The following GALNT18 variants were observed in gnomAD, a reference collection of about 807,000 sequenced individuals.
GALNT18 encodes GalNAc-transferase 18.
GALNT18 carries 44 observed loss-of-function variants against 69.5 expected under a neutral mutation model. That is an observed-to-expected ratio of 0.63 (90% CI 0.50 to 0.81). The LOEUF is 0.81. GALNT18 is among the 40% of genes least tolerant of loss of function. The pLI is 0.00. For synonymous variants in GALNT18, 364 were observed against 318.2 expected (o/e 1.14, Z -1.53); for missense variants, 715 against 810.0 (o/e 0.88, Z 1.42).
intron 1 of GALNT18, among the ~76,000 whole-genome samples, chr11:11,486,779 C>T (rs529216368): frequency 6.6e-6 from 1 of 152,320 alleles, no homozygotes; most frequent in South Asian, 2.1e-4. Flanking sequence ...AAAGACCAGT[C>T]CCGGGATGGC....
intron 9 of GALNT18, among the ~76,000 whole-genome samples, chr11:11,306,470 C>T (rs1849581086): frequency 2.0e-5 from 3 of 152,218 alleles, no homozygotes; most frequent in South Asian, 2.1e-4. Flanking sequence ...CTCTATTTCA[C>T]TTGCTCCAAC....
intron 1 of GALNT18, among the ~76,000 whole-genome samples, chr11:11,489,044 G>A (rs536772921): frequency 6.6e-6 from 1 of 152,370 alleles, no homozygotes; most frequent in East Asian, 1.9e-4. Flanking sequence ...CTGCTGTGGA[G>A]TATGATCCAG....
intron 1 of GALNT18, among the ~76,000 whole-genome samples, chr11:11,531,083 C>G (rs1239919507): frequency 6.6e-6 from 1 of 152,184 alleles, no homozygotes; most frequent in Admixed American, 6.5e-5. Context: ...CTTCACTGTA[C>G]CTCTCCCTCC....
chr11:11,282,178 CTT>C (rs1272679076), intron 10 of GALNT18, among the ~76,000 whole-genome samples: 1 of 150,362 alleles, frequency 6.7e-6, no homozygotes, highest in Non-Finnish European at 1.5e-5. Flanking sequence ...TGAACAGACT[CTT>C]TCTTCTTCTC....
intron 9 of GALNT18, among the ~76,000 whole-genome samples, chr11:11,296,419 C>T (rs1173445964): frequency 2.0e-5 from 3 of 152,208 alleles, no homozygotes; most frequent in African/African-American, 4.8e-5. Flanking sequence ...GTTGAATGCA[C>T]TGTGACCTCC....
At chr11:11,472,401 C>A (rs1459404585) in intron 1 of GALNT18, among the ~76,000 whole-genome samples, 1 of 152,146 alleles carries the variant, frequency 6.6e-6, no homozygotes, top group African/African-American at 2.4e-5. Flanking sequence ...CCTTTTCTGC[C>A]CCCAGTAAAT....
intron 1 of GALNT18, among the ~76,000 whole-genome samples, chr11:11,525,840 G>A (rs982977227): frequency 1.3e-5 from 2 of 151,912 alleles, no homozygotes; most frequent in Non-Finnish European, 2.9e-5. Flanking sequence ...CTCCATGTTG[G>A]TCAGGCTGGT....
At chr11:11,615,213 G>A (rs539960698) in intron 1 of GALNT18, among the ~76,000 whole-genome samples, 6 of 152,244 alleles carry the variant, frequency 3.9e-5, no homozygotes, top group South Asian at 4.1e-4. Context: ...AGAAGAACAC[G>A]AGCCAATTCT....
intron 1 of GALNT18, among the ~76,000 whole-genome samples, chr11:11,559,626 GACAT>G (rs1858418720): frequency 8.3e-6 from 1 of 120,132 alleles, no homozygotes; most frequent in Admixed American, 9.4e-5. Flanking sequence ...AATAGAATGA[GACAT>G]GATGGGATGG....
At chr11:11,328,307 C>T (rs1849960800) in intron 8 of GALNT18, among the ~76,000 whole-genome samples, 1 of 152,144 alleles carries the variant, frequency 6.6e-6, no homozygotes, top group African/African-American at 2.4e-5. Flanking sequence ...GCTGGCTTGA[C>T]TAGGTTCTCT....
intron 10 of GALNT18, among the ~76,000 whole-genome samples, chr11:11,279,345 T>TA (rs200938135): frequency 9.2e-5 from 14 of 151,592 alleles, no homozygotes; most frequent in South Asian, 2.1e-4. Flanking sequence ...AATTTAAGAC[T>TA]AAAAAAAAAC....
intron 1 of GALNT18, among the ~76,000 whole-genome samples, chr11:11,528,893 C>A (rs1453850024): frequency 6.6e-6 from 1 of 152,118 alleles, no homozygotes; most frequent in African/African-American, 2.4e-5. Flanking sequence ...GCTGTTAAAC[C>A]CAGGGAGTGG....
intron 1 of GALNT18, among the ~76,000 whole-genome samples, chr11:11,485,571 CA>C (rs1856626176): frequency 6.6e-6 from 1 of 152,200 alleles, no homozygotes; most frequent in South Asian, 2.1e-4. Flanking sequence ...TGGCCAGACA[CA>C]ATTCCTTTTA....
At chr11:11,326,215 T>G (rs574074363) in intron 9 of GALNT18, among the ~76,000 whole-genome samples, 2 of 152,096 alleles carry the variant, frequency 1.3e-5, no homozygotes, top group South Asian at 4.2e-4. Context: ...TGGCTAATTT[T>G]TTGTATTTTT....
chr11:11,391,567 A>G (rs1854191502), intron 3 of GALNT18, among the ~76,000 whole-genome samples: 2 of 152,262 alleles, frequency 1.3e-5, no homozygotes, highest in Non-Finnish European at 2.9e-5. Flanking sequence ...TTTAAGGCAG[A>G]TGAAAAAATA....
intron 2 of GALNT18, among the ~76,000 whole-genome samples, chr11:11,446,135 G>T (rs1855646095): frequency 6.6e-6 from 1 of 151,866 alleles, no homozygotes; most frequent in Non-Finnish European, 1.5e-5. Flanking sequence ...CTGACTGTGT[G>T]ACCTCAGACA....
At chr11:11,287,290 TAAC>T (rs551902522) in intron 10 of GALNT18, among the ~76,000 whole-genome samples, 385 of 152,330 alleles carry the variant, frequency 2.5e-3, no homozygotes, top group Middle Eastern at 6.8e-3. Flanking sequence ...GACCACATCA[TAAC>T]AACAGCCTTC....
chr11:11,590,296 C>T lies in GALNT18; in HGVS notation c.235+31063G>A, dbSNP rs1046719838. On this transcript the variant is annotated intron_variant, in intron 1 of 10. Coordinates refer to ENST00000227756, the MANE Select transcript of GALNT18 (RefSeq NM_198516.3). The surrounding 1 kb of genome is among the most constrained non-coding windows in gnomAD (Gnocchi z 4.4). The stretch of plus-strand genomic sequence containing the variant: ...CCATGTTCTCTCTCCCCGTATCTGC[C>T]GATTGCATGCAAGGGGTCACGCAGA... Among the ~76,000 whole-genome samples the T allele has an allele frequency of 3.3e-5, 5 of 152,176 alleles. No homozygotes were observed. Among genetic ancestry groups the T allele is most frequent in the East Asian group, 1.9e-4 (1 of 5,190 alleles).
chr11:11,352,974 T>C lies in GALNT18; in HGVS notation c.1093-11970A>G, dbSNP rs1453913607. 3 of 1,614,192 alleles carry C rather than the reference T, an allele frequency of 1.9e-6. No individual in the cohort carries two copies. In the South Asian group the frequency reaches 3.3e-5, roughly 18 times the overall value. ...GATGGCTTCAAATACTTCACTGTAT[T>C]TACCTCGGCCTAATTTTCGAACCAG... On this transcript the variant is annotated intron_variant, in intron 6 of 10. Coordinates refer to ENST00000227756, the MANE Select transcript of GALNT18 (RefSeq NM_198516.3).
Sources: allele counts gnomAD v4.1 joint callset (sites outside exome capture counted in the v4.1 genomes callset), GRCh38; gene constraint gnomAD v4.1.1; non-coding constraint Gnocchi (gnomAD v3.1); transcripts MANE v1.5; gene names NCBI Gene and HGNC (gene_info 2026-07-23, HGNC 2026-07-21).